Variants in PTPN4 observed in about 807,000 individuals in gnomAD.
PTPN4 encodes the protein tyrosine-protein phosphatase non-receptor type 4.
In PTPN4, 49 loss-of-function variants were observed where a neutral mutation model predicts 135.5. That is an observed-to-expected ratio of 0.36 (90% CI 0.29 to 0.46). The LOEUF (loss-of-function observed/expected upper bound fraction) is 0.46, where lower values mean the gene tolerates loss of function less well. Ranked by LOEUF, PTPN4 falls within the 20% of genes least tolerant of loss-of-function variation. The pLI, the probability that PTPN4 is intolerant of heterozygous loss-of-function variation, is 1.00. For synonymous variants in PTPN4, 333 were observed against 369.9 expected, an observed-to-expected ratio of 0.90 and a Z score of 1.14; for missense variants, 860 against 1,101.0, an observed-to-expected ratio of 0.78 and a Z score of 3.10.
intron 2 of PTPN4, among the ~76,000 whole-genome samples, chr2:119,818,851 A>G (rs1677025790): frequency 6.6e-6 from 1 of 152,098 alleles, no homozygotes; most frequent in Non-Finnish European, 1.5e-5. Context: ...TAGGGTCTCA[A>G]CTAAGTGACT....
chr2:119,800,077 AC>A (rs1444763614), intron 1 of PTPN4, among the ~76,000 whole-genome samples: 1 of 152,184 alleles, frequency 6.6e-6, no homozygotes, highest in East Asian at 1.9e-4. Context: ...ATGCGTAATG[AC>A]TTCATTCCTC....
In PTPN4 at chr2:119,978,082, AAATCT is replaced by A. The variant is rs1192312328; in HGVS notation, c.*1013_*1017del. ...CACACTGCTGCTATGGAATTGTTCA[AAATCT>A]GCACATTCCTTTACTTGAGGGACTG... On this transcript the variant is annotated 3_prime_UTR_variant, in exon 27 of 27. Coordinates refer to ENST00000263708, the MANE Select transcript of PTPN4 (RefSeq NM_002830.4). 3 of 152,202 alleles carry A rather than the reference AAATCT, an allele frequency of 2.0e-5. No individual in the cohort carries two copies. The highest frequency in any genetic ancestry group is 3.8e-4 in the East Asian group (2 of 5,206). The allele number at this position is 152,202 out of a possible 1,614,324, so 9.4% of individuals were successfully genotyped here. A position where few individuals can be genotyped will look rare whatever the true frequency, so the allele number is the denominator to read the frequency against.
At chr2:119,957,147 T>C in intron 22 of PTPN4, 70 bp downstream of exon 22, 1 of 1,389,388 alleles carries the variant, frequency 7.2e-7, no homozygotes, top group Non-Finnish European at 9.9e-7. Context: ...GAGGTTCTTT[T>C]TGTTAAAATC....
At chr2:119,830,303 AC>A (rs1677200049) in intron 2 of PTPN4, among the ~76,000 whole-genome samples, 1 of 152,092 alleles carries the variant, frequency 6.6e-6, no homozygotes, top group Admixed American at 6.5e-5. Flanking sequence ...GAATCTGTGT[AC>A]CCACCCAAAT....
intron 2 of PTPN4, among the ~76,000 whole-genome samples, chr2:119,847,315 C>T (rs2968772): frequency 0.42 from 39,025 of 92,692 alleles, 8,094 homozygotes; most frequent in African/African-American, 0.57. Flanking sequence ...CACACACACA[C>T]ATATATATAT....
At chr2:119,863,617 T>TA (rs1264994619) in intron 3 of PTPN4, among the ~76,000 whole-genome samples, 1 of 152,134 alleles carries the variant, frequency 6.6e-6, no homozygotes, top group African/African-American at 2.4e-5. Context: ...TCTGAATGAA[T>TA]AGCTAGTGGG....
At chr2:119,917,792 C>G (rs1169947282) in intron 11 of PTPN4, among the ~76,000 whole-genome samples, 1 of 152,044 alleles carries the variant, frequency 6.6e-6, no homozygotes, top group Non-Finnish European at 1.5e-5. Context: ...AAAAGGTGGC[C>G]TTGTTAATGT....
chr2:119,969,178 A>AT (rs1424362463), intron 26 of PTPN4, among the ~76,000 whole-genome samples: 3 of 151,460 alleles, frequency 2.0e-5, no homozygotes, highest in Admixed American at 6.6e-5. Flanking sequence ...CATTGGGCTA[A>AT]TTTTTTTTAT....
intron 1 of PTPN4, among the ~76,000 whole-genome samples, chr2:119,762,015 T>A (rs1271595715): frequency 6.6e-6 from 1 of 152,210 alleles, no homozygotes. Flanking sequence ...AAATATCTTT[T>A]AAAATGTCCC....
intron 11 of PTPN4, among the ~76,000 whole-genome samples, chr2:119,918,617 A>G (rs1330476320): frequency 1.3e-5 from 2 of 152,182 alleles, no homozygotes; most frequent in Non-Finnish European, 2.9e-5. Context: ...TTGATAAACC[A>G]GTGGTTGGTG....
At chr2:119,850,106 G>A (rs1257792398) in intron 2 of PTPN4, among the ~76,000 whole-genome samples, 2 of 152,216 alleles carry the variant, frequency 1.3e-5, no homozygotes, top group Admixed American at 6.5e-5. Flanking sequence ...AGCACTCTTA[G>A]ACTGGAACTT....
chr2:119,862,483 A>G, intron 2 of PTPN4, 53 bp from the exon 3 acceptor site: 2 of 1,490,252 alleles, frequency 1.3e-6, no homozygotes, highest in African/African-American at 1.4e-5. Context: ...AAAAAATGTG[A>G]AGAATGTAAC....
At chr2:119,799,438 A>G (rs931337562) in intron 1 of PTPN4, among the ~76,000 whole-genome samples, 15 of 151,780 alleles carry the variant, frequency 9.9e-5, no homozygotes, top group African/African-American at 3.6e-4. Context: ...GAAATAAGAC[A>G]TGTGAGTAAT....
intron 2 of PTPN4, among the ~76,000 whole-genome samples, chr2:119,832,414 C>T (rs547393709): frequency 2.0e-4 from 30 of 151,984 alleles, no homozygotes; most frequent in African/African-American, 6.7e-4. Context: ...AGAAAGTTTT[C>T]ATTTTAATAT....
chr2:119,903,789 G>T (rs1193782606), intron 10 of PTPN4, among the ~76,000 whole-genome samples: 2 of 152,122 alleles, frequency 1.3e-5, no homozygotes, highest in Non-Finnish European at 2.9e-5. Context: ...TGCCCAGCCT[G>T]CCATCACCAC....
intron 13 of PTPN4, among the ~76,000 whole-genome samples, chr2:119,929,535 T>C (rs1036745141): frequency 1.3e-5 from 2 of 152,134 alleles, no homozygotes; most frequent in Non-Finnish European, 2.9e-5. Flanking sequence ...CATTTTGCAG[T>C]TGTCATATAA....
intron 14 of PTPN4, among the ~76,000 whole-genome samples, chr2:119,933,871 A>G (rs1372909246): frequency 6.6e-6 from 1 of 152,144 alleles, no homozygotes; most frequent in Non-Finnish European, 1.5e-5. Flanking sequence ...ATTTTTTCTT[A>G]TAAATGATTA....
At chr2:119,819,320 C>T (rs766188958) in intron 2 of PTPN4, among the ~76,000 whole-genome samples, 11 of 152,078 alleles carry the variant, frequency 7.2e-5, no homozygotes, top group African/African-American at 1.2e-4. Context: ...ATATTTGGTC[C>T]GGTTTTTATA....
At chr2:119,766,251 T>G (rs950035626) in intron 1 of PTPN4, among the ~76,000 whole-genome samples, 9 of 152,362 alleles carry the variant, frequency 5.9e-5, no homozygotes, top group Middle Eastern at 3.4e-3. Flanking sequence ...ACCACTGTTT[T>G]AGAGACTGTA....
Sources: allele counts gnomAD v4.1 joint callset (sites outside exome capture counted in the v4.1 genomes callset), GRCh38; gene constraint gnomAD v4.1.1; transcripts MANE v1.5; gene names NCBI Gene and HGNC (gene_info 2026-07-23, HGNC 2026-07-21).